The following TEAD4 variants were observed in gnomAD, a reference collection of about 807,000 sequenced individuals.
TEAD4 encodes the protein transcriptional enhancer factor TEF-3.
In TEAD4, 36 loss-of-function variants were observed where a neutral mutation model predicts 52.4. The ratio of observed to expected loss-of-function variants is 0.69; its 90% CI spans 0.53 to 0.91. TEAD4 has a LOEUF of 0.91. TEAD4 is among the 40% of genes least tolerant of loss of function. TEAD4 has a pLI of 0.00. For missense variants in TEAD4, 508 were observed against 583.9 expected, an observed-to-expected ratio of 0.87 and a Z score of 1.34; for synonymous variants, 220 against 231.0, an observed-to-expected ratio of 0.95 and a Z score of 0.43.
intron 5 of TEAD4, among the ~76,000 whole-genome samples, chr12:3,016,314 C>T (rs539938839): frequency 1.8e-4 from 27 of 152,302 alleles, no homozygotes; most frequent in African/African-American, 4.8e-4. Flanking sequence ...AGGCATGAAC[C>T]ACCACTTCCG....
chr12:3,015,577 C>T (rs943794103), intron 5 of TEAD4, among the ~76,000 whole-genome samples: 12 of 152,354 alleles, frequency 7.9e-5, no homozygotes, highest in African/African-American at 2.9e-4. Context: ...CTGCCCACCT[C>T]ATGGAGCTGC....
intron 10 of TEAD4, among the ~76,000 whole-genome samples, chr12:3,023,338 G>A (rs903950659): frequency 2.6e-5 from 4 of 152,194 alleles, no homozygotes; most frequent in African/African-American, 9.7e-5. Flanking sequence ...GGGAGAGTGA[G>A]TTAGGTTCTG....
intron 2 of TEAD4, among the ~76,000 whole-genome samples, chr12:2,960,958 ACCTG>A (rs2098214770): frequency 6.6e-6 from 1 of 151,996 alleles, no homozygotes; most frequent in Non-Finnish European, 1.5e-5. Flanking sequence ...AGCTGGCTCC[ACCTG>A]CCTCTTGGAG....
At chr12:3,029,911 CT>C (rs1244346551) in intron 10 of TEAD4, among the ~76,000 whole-genome samples, 6 of 151,890 alleles carry the variant, frequency 4.0e-5, no homozygotes, top group Non-Finnish European at 5.9e-5. Context: ...GTTTACTGGA[CT>C]TTTTTTTCCC....
intron 5 of TEAD4, among the ~76,000 whole-genome samples, chr12:3,015,374 G>T (rs1400348568): frequency 6.6e-6 from 1 of 152,238 alleles, no homozygotes; most frequent in Non-Finnish European, 1.5e-5. Flanking sequence ...AGTCCTGTCA[G>T]TCTCACAGGA....
intron 3 of TEAD4, among the ~76,000 whole-genome samples, chr12:2,997,762 T>C (rs941839664): frequency 6.8e-6 from 1 of 147,492 alleles, no homozygotes; most frequent in Non-Finnish European, 1.5e-5. Flanking sequence ...ATTTGTGGAG[T>C]TGAGCACCCC....
intron 3 of TEAD4, among the ~76,000 whole-genome samples, chr12:3,010,293 A>G (rs1014765112): frequency 2.6e-5 from 4 of 152,198 alleles, no homozygotes; most frequent in African/African-American, 7.2e-5. Flanking sequence ...ATCTTTTTCA[A>G]TACTGGAAAC....
At chr12:2,982,366 G>C (rs1459976378) in intron 2 of TEAD4, among the ~76,000 whole-genome samples, 1 of 152,198 alleles carries the variant, frequency 6.6e-6, no homozygotes, top group Non-Finnish European at 1.5e-5. Context: ...CTGAGGCAGA[G>C]TAGAGGCTCC....
Position 3,040,534 on chromosome 12 carries a change from GGGGAGGGGACC to G in TEAD4, c.*57_*67del. On this transcript the variant is annotated 3_prime_UTR_variant, in exon 13 of 13. Transcript: ENST00000359864. Reference sequence around the variant, plus strand: ...ACGTGTGTGCAGGAAACGGGGACGTGGGGAGGGGACCTGCAGGGGCAGCCCCCTGAAGTGCC... The same window carrying G: ...ACGTGTGTGCAGGAAACGGGGACGTGTGCAGGGGCAGCCCCCTGAAGTGCC... 1 of 1,520,378 alleles carries G rather than the reference GGGGAGGGGACC, an allele frequency of 6.6e-7. No individual in the cohort carries two copies. Among genetic ancestry groups the G allele is most frequent in the East Asian group, 2.3e-5 (1 of 44,006 alleles). The allele number at this position is 1,520,378 out of a possible 1,614,324, so 94.2% of individuals were successfully genotyped here.
chr12:2,994,774 G>A lies in TEAD4; in HGVS notation c.8G>A (p.Gly3Asp). The A allele has an allele frequency of 1.2e-6, 2 of 1,610,266 alleles. No homozygotes were observed. Among genetic ancestry groups the A allele is most frequent in the South Asian group, 1.1e-5 (1 of 90,704 alleles). ...GCTCCTCCAAGCGGAGCCTTGGAGG[G>A]CACGGCCGGCACCATTACCTCCAAC... is the stretch of plus-strand genomic sequence containing the variant. The change falls in exon 3 of 13, where the codon GGC becomes GAC. Residue 3 changes from glycine to aspartate, a missense_variant. Physicochemically the swap from Gly to Asp is moderately conservative, Grantham distance 94. Coordinates refer to ENST00000359864, the MANE Select transcript of TEAD4 (RefSeq NM_003213.4). This position sits in a 1 kb window ranked among gnomAD's most constrained non-coding sequence, Gnocchi z 4.7.
intron 10 of TEAD4, among the ~76,000 whole-genome samples, chr12:3,024,105 G>T (rs931523303): frequency 2.7e-5 from 4 of 149,114 alleles, no homozygotes; most frequent in Non-Finnish European, 5.9e-5. Context: ...TTTGAGTCTC[G>T]CTCTGCCACC....
At chr12:3,033,386 C>T (rs2153958362) in intron 10 of TEAD4, among the ~76,000 whole-genome samples, 1 of 152,354 alleles carries the variant, frequency 6.6e-6, no homozygotes, top group South Asian at 2.1e-4. Flanking sequence ...GATGAAGCTC[C>T]CTTCCTCCCC....
rs971738159 is a variant in TEAD4, at chr12:2,996,274, C to T, written c.226+1282C>T. Among the ~76,000 whole-genome samples, 12 of 152,158 alleles carry T rather than the reference C, an allele frequency of 7.9e-5. 1 individual carries two copies. The highest frequency in any genetic ancestry group is 5.9e-4 in the Admixed American group (9 of 15,278). On this transcript the variant is annotated intron_variant, in intron 3 of 12. Coordinates refer to ENST00000359864, the MANE Select transcript of TEAD4 (RefSeq NM_003213.4). ...TTCTCCCCCACACCCAACGCTGGTG[C>T]CACCCCCACCATTGTTGCTTGGCTC... is the stretch of plus-strand genomic sequence containing the variant.
intron 2 of TEAD4, among the ~76,000 whole-genome samples, chr12:2,974,089 CCT>C (rs769104822): frequency 1.1e-4 from 17 of 152,274 alleles, no homozygotes; most frequent in African/African-American, 4.1e-4. Context: ...CTCACTGCAG[CCT>C]CTGTCTCCCA....
chr12:2,983,106 T>G (rs978890687), intron 2 of TEAD4, among the ~76,000 whole-genome samples: 1 of 152,128 alleles, frequency 6.6e-6, no homozygotes, highest in African/African-American at 2.4e-5. Context: ...GTACTTAGTG[T>G]CAGGTCCAGA....
intron 3 of TEAD4, among the ~76,000 whole-genome samples, chr12:3,003,992 C>T (rs1012544057): frequency 6.6e-6 from 1 of 152,240 alleles, no homozygotes; most frequent in African/African-American, 2.4e-5. Flanking sequence ...CTGTGGTTCC[C>T]ACACTCTACC....
At chr12:2,963,235 C>G (rs1157489899) in intron 2 of TEAD4, among the ~76,000 whole-genome samples, 1 of 152,224 alleles carries the variant, frequency 6.6e-6, no homozygotes, top group East Asian at 1.9e-4. Context: ...ACTCTGGAGT[C>G]TTGCCCCGGT....
intron 2 of TEAD4, among the ~76,000 whole-genome samples, chr12:2,963,108 G>A (rs903250399): frequency 6.6e-6 from 1 of 152,168 alleles, no homozygotes; most frequent in Non-Finnish European, 1.5e-5. Context: ...AGTCGGGAAG[G>A]GGCCCTCGGG....
intron 5 of TEAD4, 78 bp downstream of exon 5, chr12:3,012,310 A>G: frequency 6.7e-7 from 1 of 1,484,828 alleles, no homozygotes; most frequent in Non-Finnish European, 9.3e-7. Flanking sequence ...GGGTCAGGGC[A>G]TCACTGCTGG....
Sources: allele counts gnomAD v4.1 joint callset (sites outside exome capture counted in the v4.1 genomes callset), GRCh38; gene constraint gnomAD v4.1.1; non-coding constraint Gnocchi (gnomAD v3.1); transcripts MANE v1.5; gene names NCBI Gene and HGNC (gene_info 2026-07-23, HGNC 2026-07-21).